POT1: variants seen among roughly 807,000 people sequenced by gnomAD.
POT1 encodes protection of telomeres 1.
In POT1, 47 loss-of-function variants were observed where a neutral mutation model predicts 78.5. The observed-to-expected ratio is 0.60, with a 90% CI of 0.47 to 0.76. The LOEUF (loss-of-function observed/expected upper bound fraction) is 0.76, where lower values mean the gene tolerates loss of function less well. Ranked by LOEUF, POT1 falls within the 30% of genes least tolerant of loss-of-function variation. POT1 has a pLI of 0.00. For missense variants in POT1, 646 were observed against 749.9 expected (o/e 0.86, Z 1.62); for synonymous variants, 259 against 260.7 (o/e 0.99, Z 0.06).
intron 6 of POT1, 94 bp downstream of exon 6, chr7:124,892,172 C>T (rs1411804877): frequency 8.2e-6 from 6 of 730,820 alleles, no homozygotes; most frequent in Non-Finnish European, 1.4e-5. Flanking sequence ...CAGAACTGAG[C>T]TTCTATTCTA....
At chr7:124,856,054 A>C (rs1354547080) in intron 9 of POT1, among the ~76,000 whole-genome samples, 7 of 152,150 alleles carry the variant, frequency 4.6e-5, no homozygotes, top group African/African-American at 1.7e-4. Context: ...GGGCTCTAAA[A>C]TACATTGCTT....
intron 5 of POT1, among the ~76,000 whole-genome samples, chr7:124,896,859 C>T (rs10224463): frequency 6.6e-5 from 10 of 151,446 alleles, no homozygotes; most frequent in Admixed American, 1.3e-4. Flanking sequence ...TGGTTTATAA[C>T]AAAAATTTAA....
At position 124,846,162 on chromosome 7, in the gene POT1, G is replaced by GACAC. The variant is rs60301966; in HGVS notation, c.1006+776_1006+779dup. 5.1e-4 allele frequency among the ~76,000 whole-genome samples: 76 copies of GACAC among 148,822 alleles called. 1 individual carries two copies. The highest frequency in any genetic ancestry group is 1.6e-3 in the East Asian group (8 of 5,034). On this transcript the variant is annotated intron_variant, in intron 12 of 18. Coordinates refer to ENST00000357628, the MANE Select transcript of POT1 (RefSeq NM_015450.3). The stretch of plus-strand genomic sequence containing the variant: ...GTACATATGAACACACATTCATACT[G>GACAC]ACACACACACACACACACACACCCC...
rs1441600292 is a variant in POT1 at position 124,879,373 on chromosome 7, G to GA, written c.125-8333dup. On this transcript the variant is annotated intron_variant, in intron 6 of 18. Transcript: ENST00000357628. ...GTGACCTTAAAAAACGGTAGCTAGG[G>GA]AAAAAAATCCACCTGCTAGCATAGG... 1.4e-4 allele frequency among the ~76,000 whole-genome samples: 22 copies of GA among 152,090 alleles called. No individual in the cohort carries two copies. In the South Asian group the frequency reaches 4.4e-3, roughly 30 times the overall value.
At chr7:124,883,938 A>G (rs1425180495) in intron 6 of POT1, among the ~76,000 whole-genome samples, 1 of 151,922 alleles carries the variant, frequency 6.6e-6, no homozygotes, top group African/African-American at 2.4e-5. Flanking sequence ...GTGATTAATT[A>G]CTCAGTAATT....
At chr7:124,886,145 A>G (rs1053195213) in intron 6 of POT1, among the ~76,000 whole-genome samples, 3 of 152,210 alleles carry the variant, frequency 2.0e-5, no homozygotes, top group African/African-American at 7.2e-5. Flanking sequence ...CCAAATTGCT[A>G]ATTGCTTCTA....
chr7:124,871,025 T>C lies in POT1; in HGVS notation c.141A>G (p.Val47=), dbSNP rs1056627672. 6 of 1,603,382 alleles carry C rather than the reference T, an allele frequency of 3.7e-6. No homozygotes were observed. The African/African-American group carries it at 6.7e-5, about 18-fold the overall frequency. The change falls in exon 7 of 19, where the codon GTA becomes GTG. Residue 47 remains valine (V), a synonymous_variant. Coordinates refer to ENST00000357628, the MANE Select transcript of POT1 (RefSeq NM_015450.3). ...TTACATTTGTCTGGTCCACAATAGTTACAACTGAGCAATAATCTGGAAAAC... is the reference window on the plus strand; with the variant it reads ...TTACATTTGTCTGGTCCACAATAGTCACAACTGAGCAATAATCTGGAAAAC... ...LSKGTDYCSV[V]TIVDQTNVKL...
At chr7:124,918,066 T>G (rs1334932997) in intron 2 of POT1, among the ~76,000 whole-genome samples, 1 of 152,210 alleles carries the variant, frequency 6.6e-6, no homozygotes, top group Non-Finnish European at 1.5e-5. Context: ...CTGCCTACCA[T>G]GTCTCACCCA....
intron 15 of POT1, among the ~76,000 whole-genome samples, chr7:124,832,980 G>A (rs10250911): frequency 0.4 from 60,600 of 151,776 alleles, 12,228 homozygotes; most frequent in East Asian, 0.5. Flanking sequence ...TAGAGAGAAA[G>A]GGGAAAGAAC....
In POT1 at chr7:124,919,294, T is replaced by C. The variant is rs147723726; in HGVS notation, c.-226-3648A>G. On this transcript the variant is annotated intron_variant, in intron 2 of 18. Transcript: ENST00000357628. The stretch of plus-strand genomic sequence containing the variant: ...CATATATATGCAGTGCAGTGTTGAC[T>C]GAGATGTTGTATATGGTGCATAACT... 2.5e-3 allele frequency among the ~76,000 whole-genome samples: 376 copies of C among 152,254 alleles called. 1 individual carries two copies. Among genetic ancestry groups the C allele is most frequent in the African/African-American group, 8.8e-3 (367 of 41,554 alleles).
At chr7:124,895,809 G>A (rs1299451013) in intron 5 of POT1, among the ~76,000 whole-genome samples, 1 of 151,626 alleles carries the variant, frequency 6.6e-6, no homozygotes, top group East Asian at 1.9e-4. Flanking sequence ...TGAAAATCCA[G>A]GAGGTTTGGA....
Position 124,852,017 on chromosome 7 carries a change from C to A in POT1, c.870-66G>T, listed in dbSNP as rs530581412. ...AGTCAATATAGTAAATTTAGCTCTA[C>A]CCACAAAATCCAGAAATTCATTGAA... On this transcript the variant is annotated intron_variant, in intron 10 of 18. Transcript: ENST00000357628. 352 of 1,049,788 alleles carry A rather than the reference C, an allele frequency of 3.4e-4. 1 individual carries two copies. In the East Asian group the frequency reaches 8.4e-3, roughly 25 times the overall value. The allele number at this position is 1,049,788 out of a possible 1,614,324, so 65.0% of individuals were successfully genotyped here.
chr7:124,869,815 A>G (rs1236337941), intron 7 of POT1, among the ~76,000 whole-genome samples: 1 of 152,172 alleles, frequency 6.6e-6, no homozygotes, highest in Non-Finnish European at 1.5e-5. Flanking sequence ...TCCTGACCTC[A>G]GGTGATCCGC....
rs118154293 is a variant in POT1, at chr7:124,877,792, C to T, written c.125-6751G>A. Among the ~76,000 whole-genome samples the T allele has an allele frequency of 8.1e-3, 1,116 of 138,532 alleles. 19 individuals are homozygous for T. The highest frequency in any genetic ancestry group is 0.049 in the East Asian group (221 of 4,550). 90.9% of individuals were successfully genotyped at this position (138,532 alleles called of 152,430 possible). On this transcript the variant is annotated intron_variant, in intron 6 of 18. Transcript: ENST00000357628. ...AGCTTGCAGTGAGCTGAGATGGTGC[C>T]ACTGTATTCCAGCACTCCAGCCTGG...
At chr7:124,853,910 A>G (rs1300713707) in intron 9 of POT1, among the ~76,000 whole-genome samples, 1 of 152,106 alleles carries the variant, frequency 6.6e-6, no homozygotes, top group African/African-American at 2.4e-5. Flanking sequence ...AAGAAGCTAT[A>G]TAACCTAAAT....
intron 6 of POT1, among the ~76,000 whole-genome samples, chr7:124,880,073 A>G (rs964834063): frequency 6.6e-6 from 1 of 152,104 alleles, no homozygotes; most frequent in Non-Finnish European, 1.5e-5. Flanking sequence ...AACTGTGAAT[A>G]ATGCCTGTAT....
At chr7:124,905,158 A>G (rs554619945) in intron 3 of POT1, among the ~76,000 whole-genome samples, 6 of 152,316 alleles carry the variant, frequency 3.9e-5, no homozygotes, top group African/African-American at 1.4e-4. Context: ...ACCAAAAAAG[A>G]GCCCTCATTC....
intron 6 of POT1, among the ~76,000 whole-genome samples, chr7:124,886,124 G>T: frequency 6.6e-6 from 1 of 152,104 alleles, no homozygotes; most frequent in Non-Finnish European, 1.5e-5. Flanking sequence ...TTCTGTCAAG[G>T]AGTAAAGATG....
At position 124,823,612 on chromosome 7, in the gene POT1, A is replaced by G. The variant is rs1794559308; in HGVS notation, c.*350T>C. ...ACAAGCAATAAAACCATGTATTACA[A>G]GTTTAAAGAAATGAATTTATCCTAA... On this transcript the variant is annotated 3_prime_UTR_variant, in exon 19 of 19. Transcript: ENST00000357628. 1 of 186,826 alleles carries G rather than the reference A, an allele frequency of 5.4e-6. No individual in the cohort carries two copies. Among genetic ancestry groups the G allele is most frequent in the Non-Finnish European group, 1.1e-5 (1 of 91,740 alleles). The allele number at this position is 186,826 out of a possible 1,614,324, so 11.6% of individuals were successfully genotyped here.
Sources: gnomAD v4.1 joint callset for allele counts (sites outside exome capture counted in the v4.1 genomes callset) on GRCh38, gnomAD v4.1.1 for gene constraint, MANE v1.5 for transcripts, NCBI Gene and HGNC (gene_info 2026-07-23, HGNC 2026-07-21) for gene names.